Variants in GSE1 observed in about 807,000 individuals in gnomAD.
GSE1 encodes Gse1 coiled-coil protein, also known as genetic suppressor element 1.
A neutral mutation model predicts 112.6 loss-of-function variants in GSE1; 32 were observed. The observed-to-expected ratio is 0.28, with a 90% confidence interval of 0.21 to 0.38. The LOEUF is 0.38. Among genes scored for constraint, GSE1 ranks in the 10% least tolerant of loss-of-function variants. The probability of loss-of-function intolerance (pLI) is 1.00; values close to 1 mark genes in which losing one functional copy is unlikely to be tolerated. For synonymous variants in GSE1, 1,115 were observed against 735.6 expected (o/e 1.52, Z -8.35); for missense variants, 2,348 against 1,699.2 (o/e 1.38, Z -6.71).
At chr16:85,313,550 C>T (rs1436818259) in intron 1 of GSE1, among the ~76,000 whole-genome samples, 1 of 152,200 alleles carries the variant, frequency 6.6e-6, no homozygotes, top group Non-Finnish European at 1.5e-5. Flanking sequence ...CCTTCCTGCC[C>T]CCTCCCTGCC....
intron 1 of GSE1, among the ~76,000 whole-genome samples, chr16:85,278,362 G>A (rs894004345): frequency 1.3e-5 from 2 of 152,238 alleles, no homozygotes; most frequent in Admixed American, 6.5e-5. Context: ...CACCCTTACT[G>A]AGCAGTGCTT....
chr16:85,448,628 C>G (rs185431788), intron 2 of GSE1, among the ~76,000 whole-genome samples: 1 of 152,228 alleles, frequency 6.6e-6, no homozygotes, highest in Non-Finnish European at 1.5e-5. Context: ...CTCCTGCACG[C>G]TTATCTGGCG....
intron 2 of GSE1, among the ~76,000 whole-genome samples, chr16:85,547,211 A>C (rs563011207): frequency 6.6e-6 from 1 of 152,358 alleles, no homozygotes; most frequent in East Asian, 1.9e-4. Context: ...GACAGAGGGC[A>C]TTTGATAGAA....
chr16:85,388,037 CA>C (rs2047729788), intron 2 of GSE1, among the ~76,000 whole-genome samples: 1 of 17,314 alleles, frequency 5.8e-5, no homozygotes, highest in African/African-American at 2.2e-4. Flanking sequence ...GATGGATGAA[CA>C]GATGGATGGG....
chr16:85,503,924 C>T (rs968887953), intron 2 of GSE1, among the ~76,000 whole-genome samples: 2 of 152,218 alleles, frequency 1.3e-5, no homozygotes, highest in African/African-American at 4.8e-5. Context: ...TTAGGACCGG[C>T]AGTGCGGAAG....
chr16:85,359,466 C>A (rs1389927415), intron 2 of GSE1: 9 of 453,882 alleles, frequency 2.0e-5, no homozygotes, highest in Non-Finnish European at 3.1e-5. Flanking sequence ...ATCTGAGGGA[C>A]CTTTGGCAAA....
intron 1 of GSE1, among the ~76,000 whole-genome samples, chr16:85,315,861 G>C (rs1270869952): frequency 1.3e-5 from 2 of 152,234 alleles, no homozygotes; most frequent in Non-Finnish European, 2.9e-5. Flanking sequence ...AGCAAACCCA[G>C]GTTGGGAAAG....
At chr16:85,660,267 G>A (rs1409409565) in intron 8 of GSE1, among the ~76,000 whole-genome samples, 1 of 152,242 alleles carries the variant, frequency 6.6e-6, no homozygotes, top group African/African-American at 2.4e-5. Context: ...CCAGGCCTGA[G>A]AGGGTCTCTG....
At chr16:85,184,736 T>G (rs1329060431) in intron 1 of GSE1, among the ~76,000 whole-genome samples, 1 of 152,284 alleles carries the variant, frequency 6.6e-6, no homozygotes, top group African/African-American at 2.4e-5. Flanking sequence ...AGAAGTATGT[T>G]GCTTAATTTC....
intron 2 of GSE1, among the ~76,000 whole-genome samples, chr16:85,384,291 G>A (rs1364050585): frequency 2.6e-5 from 4 of 152,150 alleles, no homozygotes; most frequent in African/African-American, 7.2e-5. Context: ...GCCGGGTGGC[G>A]AGCGGCCCAT....
intron 2 of GSE1, among the ~76,000 whole-genome samples, chr16:85,370,500 AC>A (rs1343351345): frequency 1.3e-5 from 2 of 152,148 alleles, no homozygotes; most frequent in African/African-American, 4.8e-5. Flanking sequence ...TGAACTGGGC[AC>A]CCAGACCCTA....
rs1056164837 is a variant in GSE1 at position 85,425,960 on chromosome 16, C to G, written c.2464+68317C>G. Among the ~76,000 whole-genome samples the G allele has an allele frequency of 4.6e-5, 7 of 152,232 alleles. No individual in the cohort carries two copies. In the South Asian group the frequency reaches 1.2e-3, roughly 27 times the overall value. ...GCTTGTCAGTGGCGAGGCCGGGATT[C>G]AAACTTTAGACAGTCATGCTCTGGA... On this transcript the variant is annotated intron_variant, in intron 2 of 2. Transcript: ENST00000637419.
chr16:85,626,941 G>C (rs928981441), intron 1 of GSE1, among the ~76,000 whole-genome samples: 1 of 148,928 alleles, frequency 6.7e-6, no homozygotes, highest in Non-Finnish European at 1.5e-5. Flanking sequence ...TTTGGGGTCT[G>C]TTCTGAAGAA....
At chr16:85,517,079 G>A (rs142357086) in intron 2 of GSE1, among the ~76,000 whole-genome samples, 376 of 152,310 alleles carry the variant, frequency 2.5e-3, no homozygotes, top group African/African-American at 8.5e-3. Flanking sequence ...TCACAGGCGT[G>A]AGCCACCGCG....
In GSE1 at chr16:85,169,794, C is replaced by A; in HGVS notation, c.270C>A (p.Cys90Ter). 1.0e-6 allele frequency: 1 copy of A among 984,258 alleles called. No individual in the cohort carries two copies. Among genetic ancestry groups the A allele is most frequent in the Non-Finnish European group, 1.2e-6 (1 of 829,552 alleles). The allele number at this position is 984,258 out of a possible 1,614,324, so 61.0% of individuals were successfully genotyped here. A position where few individuals can be genotyped will look rare whatever the true frequency, so the allele number is the denominator to read the frequency against. ...GCTGCGTGTTGGTGTGCGCCGTGTG[C>A]CGCTGCTTCCTGGGCGAGCAGTGGG... The change falls in exon 1 of 3, where the codon TGC becomes TGA. Residue 90 changes from cysteine (C) to a stop codon, truncating the protein, a stop_gained. Coordinates refer to the GSE1 transcript ENST00000637419. LOFTEE classifies it high-confidence loss of function.
intron 2 of GSE1, among the ~76,000 whole-genome samples, chr16:85,542,502 G>T (rs1039959686): frequency 6.6e-6 from 1 of 152,176 alleles, no homozygotes; most frequent in African/African-American, 2.4e-5. Context: ...GGTGTGTCTC[G>T]CTCTGCCCAG....
chr16:85,223,064 T>G (rs1183570636), intron 1 of GSE1, among the ~76,000 whole-genome samples: 1 of 152,188 alleles, frequency 6.6e-6, no homozygotes, highest in African/African-American at 2.4e-5. Context: ...GAGGCTCTGT[T>G]CTCAGGTACG....
chr16:85,434,038 C>T (rs2049184089), intron 2 of GSE1, among the ~76,000 whole-genome samples: 1 of 152,150 alleles, frequency 6.6e-6, no homozygotes. Flanking sequence ...ACCTGAGGGC[C>T]TGTGGGCACC....
chr16:85,282,496 G>C (rs1345425075), intron 1 of GSE1, among the ~76,000 whole-genome samples: 1 of 152,144 alleles, frequency 6.6e-6, no homozygotes, highest in Admixed American at 6.5e-5. Context: ...GGCATTTACC[G>C]AACCCGGTGA....
Sources: allele counts gnomAD v4.1 joint callset (sites outside exome capture counted in the v4.1 genomes callset), GRCh38; gene constraint gnomAD v4.1.1; transcripts MANE v1.5; gene names NCBI Gene and HGNC (gene_info 2026-07-23, HGNC 2026-07-21).